The following IL17RE variants were observed in gnomAD, a reference collection of about 807,000 sequenced individuals.
IL17RE encodes interleukin 17 receptor E.
Under a neutral mutation model 70.7 loss-of-function variants are expected in IL17RE, and 47 were observed. That is an observed-to-expected ratio of 0.67 (90% confidence interval 0.53 to 0.85). The LOEUF (loss-of-function observed/expected upper bound fraction) is 0.85, where lower values mean the gene tolerates loss of function less well. Among genes scored for constraint, IL17RE ranks in the 40% least tolerant of loss-of-function variants. IL17RE has a pLI of 0.00. For synonymous variants in IL17RE, 372 were observed against 381.2 expected (o/e 0.98, Z 0.28); for missense variants, 850 against 893.9 (o/e 0.95, Z 0.63).
At chr3:9,911,355 A>C in intron 11 of IL17RE, 55 bp downstream of exon 11, 1 of 1,613,374 alleles carries the variant, frequency 6.2e-7, no homozygotes, top group East Asian at 2.2e-5. Flanking sequence ...ATCCTCACCC[A>C]ACTGTAACCA....
At chr3:9,909,639 C>G (rs1489354689) in intron 8 of IL17RE, 1 of 242,514 alleles carries the variant, frequency 4.1e-6, no homozygotes, top group African/African-American at 2.2e-5. Context: ...TCTGTAAAAT[C>G]TCAATACCTG....
intron 6 of IL17RE, 122 bp from the exon 7 acceptor site, chr3:9,908,117 T>G: frequency 1.4e-6 from 1 of 731,478 alleles, no homozygotes; most frequent in Non-Finnish European, 2.4e-6. Context: ...GGAGAAGAAG[T>G]ATCTCATATT....
rs765534412 is a variant in IL17RE, at chr3:9,913,951, T to C, written c.1228-5T>C. The C allele has an allele frequency of 1.2e-6, 2 of 1,613,512 alleles. No individual in the cohort carries two copies. The highest frequency in any genetic ancestry group is 1.7e-4 in the Middle Eastern group (1 of 6,058). The stretch of plus-strand genomic sequence containing the variant: ...GGACAGCCTTTCTGCTCTTTGTTTC[T>C]ACAGGCCCGGGGCTCAAGCCCAGTG... On this transcript the variant is annotated splice_region_variant and splice_polypyrimidine_tract_variant and intron_variant, in intron 12 of 15. Transcript: ENST00000383814.
chr3:9,914,758 C>G lies in IL17RE; in HGVS notation c.1428C>G (p.Thr476=), dbSNP rs1209053711. 4 of 1,613,868 alleles carry G rather than the reference C, an allele frequency of 2.5e-6. No individual in the cohort carries two copies. The highest frequency in any genetic ancestry group is 3.4e-6 in the Non-Finnish European group (4 of 1,179,978). ...LTLLGVVLAL[T]CRRPQSGPGP... ...TACTGGGTGTTGTTCTGGCCCTCAC[C>G]TGCCGGCGCCCACAGTCAGGTAAGC... The change falls in exon 15 of 16, where the codon ACC becomes ACG. Residue 476 remains threonine (T), a synonymous_variant. Transcript: ENST00000383814.
At chr3:9,913,187 C>T (rs2082933224) in intron 12 of IL17RE, among the ~76,000 whole-genome samples, 1 of 152,070 alleles carries the variant, frequency 6.6e-6, no homozygotes, top group Non-Finnish European at 1.5e-5. Context: ...GGCAGATCAC[C>T]TGAGGTCAGG....
chr3:9,915,854 G>T lies in IL17RE; in HGVS notation c.*47G>T. On this transcript the variant is annotated 3_prime_UTR_variant, in exon 16 of 16. Transcript: ENST00000383814. This position sits in a 1 kb window ranked among gnomAD's most constrained non-coding sequence, Gnocchi z 4.9. ...GGGTGTCTGCGGCCGCAACGCAACG[G>T]ACACTGGCTGGAACCCCGGAATGAG... The T allele has an allele frequency of 6.9e-7, 1 of 1,455,046 alleles. No individual in the cohort carries two copies. Among genetic ancestry groups the T allele is most frequent in the South Asian group, 1.4e-5 (1 of 70,506 alleles). 90.1% of individuals were successfully genotyped at this position (1,455,046 alleles called of 1,614,324 possible). A position where few individuals can be genotyped will look rare whatever the true frequency, so the allele number is the denominator to read the frequency against.
intron 7 of IL17RE, 104 bp downstream of exon 7, chr3:9,908,411 T>G: frequency 3.2e-6 from 3 of 935,720 alleles, no homozygotes; most frequent in Non-Finnish European, 5.1e-6. Flanking sequence ...TTAAAAAGAC[T>G]GAGTGTTACT....
chr3:9,908,205 C>T, intron 6 of IL17RE, 34 bp from the exon 7 acceptor site: 1 of 1,584,928 alleles, frequency 6.3e-7, no homozygotes, highest in East Asian at 2.2e-5. Context: ...CTTTCTCAGG[C>T]ATCTTTTGTC....
chr3:9,906,303 C>T, intron 3 of IL17RE, 61 bp from the exon 4 acceptor site: 1 of 873,650 alleles, frequency 1.1e-6, no homozygotes. Flanking sequence ...CACTGGGCCA[C>T]ATCTCCAGGC....
intron 3 of IL17RE, among the ~76,000 whole-genome samples, chr3:9,906,067 C>T (rs950347591): frequency 6.6e-6 from 1 of 151,544 alleles, no homozygotes; most frequent in African/African-American, 2.4e-5. Context: ...CTGACCAACA[C>T]GCAGAAACCC....
chr3:9,915,414 G>T lies in IL17RE; in HGVS notation c.1611G>T (p.Pro537=). ...WEGRHVARVG[P]LPWLWAARTR... is the part of the protein sequence containing the mutation. ...GGAGGCACGTGGCGCGCGTGGGCCC[G>T]CTGCCGTGGCTCTGGGCGGCGCGGA... The change falls in exon 16 of 16, where the codon CCG becomes CCT. Residue 537 remains proline (P), a synonymous_variant. Coordinates refer to ENST00000383814, the MANE Select transcript of IL17RE (RefSeq NM_153480.2). This position sits in a 1 kb window ranked among gnomAD's most constrained non-coding sequence, Gnocchi z 4.9. The T allele has an allele frequency of 7.4e-7, 1 of 1,359,990 alleles. No individual in the cohort carries two copies. The highest frequency in any genetic ancestry group is 1.5e-5 in the African/African-American group (1 of 65,642). 84.2% of individuals were successfully genotyped at this position (1,359,990 alleles called of 1,614,324 possible). A position where few individuals can be genotyped will look rare whatever the true frequency, so the allele number is the denominator to read the frequency against.
At chr3:9,909,092 G>T (rs768127109) in intron 7 of IL17RE, 125 bp from the exon 8 acceptor site, 20 of 679,478 alleles carry the variant, frequency 2.9e-5, no homozygotes, top group Middle Eastern at 4.3e-4. Flanking sequence ...CCTCCTGCTC[G>T]GTCAGTGCCT....
upstream of IL17RE, chr3:9,902,759 T>C (rs2082664886): frequency 6.5e-7 from 1 of 1,536,700 alleles, no homozygotes; most frequent in Admixed American, 2.0e-5. Context: ...GGGGAAGGAA[T>C]GTGGCCTGGC....
intron 8 of IL17RE, 86 bp downstream of exon 8, chr3:9,909,369 A>C: frequency 8.7e-7 from 1 of 1,147,082 alleles, no homozygotes; most frequent in Non-Finnish European, 1.3e-6. Context: ...ACACACACAC[A>C]CACACCCCGC....
chr3:9,906,721 C>G lies in IL17RE; in HGVS notation c.382C>G (p.Arg128Gly). The change falls in exon 5 of 16, where the codon CGT becomes GGT. Residue 128 changes from arginine (R) to glycine (G), a missense_variant. By Grantham distance (125) the Arg-to-Gly change is moderately radical. Transcript: ENST00000383814. ...CTGCCTTTAGAGGAAGCTGCTGCCT[C>G]GTCGTCACCTGTCTGAGAAGAGCCA... is the stretch of plus-strand genomic sequence containing the variant. The part of the protein sequence containing the change: ...PAPAQRKLLP[R>G]RHLSEKSHHI... The G allele has an allele frequency of 1.2e-6, 2 of 1,614,156 alleles. No homozygotes were observed. The highest frequency in any genetic ancestry group is 1.7e-6 in the Non-Finnish European group (2 of 1,180,020).
chr3:9,910,756 G>A, intron 8 of IL17RE, 109 bp from the exon 9 acceptor site: 1 of 876,044 alleles, frequency 1.1e-6, no homozygotes, highest in South Asian at 1.7e-5. Flanking sequence ...GCCAGGAATA[G>A]TGCTGGTTAC....
intron 15 of IL17RE, 126 bp downstream of exon 15, chr3:9,914,903 C>T (rs1459626158): frequency 4.9e-6 from 4 of 820,604 alleles, no homozygotes; most frequent in South Asian, 1.6e-5. Context: ...CAGGGAGCCT[C>T]AGGCCCCCAA....
At chr3:9,913,805 T>A (rs2082947973) in intron 12 of IL17RE, 151 bp from the exon 13 acceptor site, 1 of 640,512 alleles carries the variant, frequency 1.6e-6, no homozygotes, top group Non-Finnish European at 2.8e-6. Flanking sequence ...CCGGAGTGAC[T>A]GGGGAAGCCT....
intron 7 of IL17RE, 117 bp downstream of exon 7, chr3:9,908,424 C>A: frequency 2.3e-6 from 2 of 851,622 alleles, no homozygotes; most frequent in Admixed American, 2.1e-5. Context: ...GTGTTACTGG[C>A]ATGCTTAGGA....
Sources: allele counts gnomAD v4.1 joint callset (sites outside exome capture counted in the v4.1 genomes callset), GRCh38; gene constraint gnomAD v4.1.1; non-coding constraint Gnocchi (gnomAD v3.1); transcripts MANE v1.5; gene names NCBI Gene and HGNC (gene_info 2026-07-23, HGNC 2026-07-21).